C12orf42: variants seen among roughly 807,000 people sequenced by gnomAD.
C12orf42 encodes chromosome 12 open reading frame 42, also known as uncharacterized protein C12orf42.
Under a neutral mutation model 21.6 loss-of-function variants are expected in C12orf42, and 25 were observed. That is an observed-to-expected ratio of 1.16 (90% CI 0.84 to 1.62). The LOEUF (loss-of-function observed/expected upper bound fraction) is 1.62. Among genes scored for constraint, C12orf42 ranks in the 40% most tolerant of loss-of-function variants. The probability of loss-of-function intolerance (pLI) is 0.00; values close to 1 mark genes in which losing one functional copy is unlikely to be tolerated. For synonymous variants in C12orf42, 174 were observed against 175.0 expected, an observed-to-expected ratio of 0.99 and a Z score of 0.05; for missense variants, 483 against 459.3, an observed-to-expected ratio of 1.05 and a Z score of -0.47.
At chr12:103,517,996 A>G in the C12orf42 span, among the ~76,000 whole-genome samples, 1 of 152,200 alleles carries the variant, frequency 6.6e-6, no homozygotes, top group African/African-American at 2.4e-5. Flanking sequence ...AGAAAGTGAA[A>G]AAATATGAGC....
chr12:103,096,392 C>T, the C12orf42 span, among the ~76,000 whole-genome samples: 48 of 152,026 alleles, frequency 3.2e-4, no homozygotes, highest in African/African-American at 9.7e-4. Context: ...TTAAGTTGTT[C>T]GGACCCAAGT....
At position 103,429,654 on chromosome 12, in the gene C12orf42, A is replaced by G. The variant is rs1950117345; in HGVS notation, c.79-27979T>C. Among the ~76,000 whole-genome samples the G allele has an allele frequency of 2.0e-5, 3 of 152,242 alleles. No individual in the cohort carries two copies. In the South Asian group the frequency reaches 6.2e-4, roughly 31 times the overall value. ...TATATGGAACCAAAAAAGAGTCCATATAGCTAAGACAATCCTAAGCAAAAA... is the reference window on the plus strand; with the variant it reads ...TATATGGAACCAAAAAAGAGTCCATGTAGCTAAGACAATCCTAAGCAAAAA... On this transcript the variant is annotated intron_variant, in intron 2 of 5. Coordinates refer to ENST00000548883, the MANE Select transcript of C12orf42 (RefSeq NM_198521.5).
downstream of C12orf42, chr12:103,267,837 G>A (rs1392275562): frequency 2.0e-5 from 3 of 152,076 alleles, no homozygotes; most frequent in African/African-American, 7.2e-5. Flanking sequence ...GGGAACAAAT[G>A]TGACTTCAAA....
At chr12:103,308,121 A>G (rs2038556149) in intron 4 of C12orf42, among the ~76,000 whole-genome samples, 1 of 152,190 alleles carries the variant, frequency 6.6e-6, no homozygotes, top group South Asian at 2.1e-4. Context: ...GAATAATCAT[A>G]TCTACCTCTA....
intron 4 of C12orf42, among the ~76,000 whole-genome samples, chr12:103,295,589 T>C (rs2037212789): frequency 1.3e-5 from 2 of 152,168 alleles, no homozygotes; most frequent in Admixed American, 6.5e-5. Context: ...AGGTAAAGGA[T>C]ATAGTGTATA....
chr12:103,054,210 A>G, the C12orf42 span, among the ~76,000 whole-genome samples: 1 of 151,982 alleles, frequency 6.6e-6, no homozygotes, highest in Non-Finnish European at 1.5e-5. Context: ...AAGTCTTTCA[A>G]TCCATGATCA....
chr12:103,077,376 CA>C, the C12orf42 span, among the ~76,000 whole-genome samples: 1 of 152,214 alleles, frequency 6.6e-6, no homozygotes, highest in South Asian at 2.1e-4. Context: ...TAGTAGTAAG[CA>C]AAAACACATT....
At chr12:103,519,672 G>A in the C12orf42 span, among the ~76,000 whole-genome samples, 1 of 152,078 alleles carries the variant, frequency 6.6e-6, no homozygotes, top group South Asian at 2.1e-4. Flanking sequence ...TGCTTTAATG[G>A]AGAAAGAGGC....
At chr12:103,535,229 G>T in the C12orf42 span, among the ~76,000 whole-genome samples, 1 of 152,144 alleles carries the variant, frequency 6.6e-6, no homozygotes, top group Non-Finnish European at 1.5e-5. Flanking sequence ...GGGAAGAAAA[G>T]TTGCCTCAGA....
chr12:103,204,705 G>T, the C12orf42 span, among the ~76,000 whole-genome samples: 1 of 152,020 alleles, frequency 6.6e-6, no homozygotes, highest in Admixed American at 6.5e-5. Context: ...ATATTTCAAG[G>T]TATATGAATC....
At chr12:103,513,332 A>G in the C12orf42 span, among the ~76,000 whole-genome samples, 1 of 152,198 alleles carries the variant, frequency 6.6e-6, no homozygotes, top group Non-Finnish European at 1.5e-5. Context: ...AAGAGAATGG[A>G]ACCACAGGAA....
the C12orf42 span, among the ~76,000 whole-genome samples, chr12:103,108,348 A>G: frequency 6.6e-6 from 1 of 151,960 alleles, no homozygotes; most frequent in Non-Finnish European, 1.5e-5. Flanking sequence ...AAAGTAGACA[A>G]ATCAGTATTA....
chr12:103,107,197 G>A, the C12orf42 span, among the ~76,000 whole-genome samples: 15 of 152,036 alleles, frequency 9.9e-5, no homozygotes, highest in Middle Eastern at 3.4e-3. Flanking sequence ...TGAGAAATTA[G>A]TAAGCCAGCT....
chr12:103,478,512 A>C, intron 1 of C12orf42, 65 bp from the exon 2 acceptor site: 2 of 709,234 alleles, frequency 2.8e-6, no homozygotes, highest in Non-Finnish European at 4.4e-6. Flanking sequence ...ATTAGAGAAA[A>C]AAATGACATC....
the C12orf42 span, among the ~76,000 whole-genome samples, chr12:103,161,981 G>T: frequency 1.3e-5 from 2 of 152,140 alleles, no homozygotes; most frequent in Non-Finnish European, 2.9e-5. Context: ...AATAGAATCT[G>T]TTCCCACAGG....
chr12:103,551,940 A>C, the C12orf42 span, among the ~76,000 whole-genome samples: 1 of 152,210 alleles, frequency 6.6e-6, no homozygotes, highest in Non-Finnish European at 1.5e-5. Context: ...TGATTCCTTC[A>C]AGTGAGATTT....
chr12:103,360,576 G>A (rs139067210), intron 4 of C12orf42, among the ~76,000 whole-genome samples: 260 of 152,000 alleles, frequency 1.7e-3, no homozygotes, highest in African/African-American at 6.0e-3. Flanking sequence ...CAAGATCCTA[G>A]TATACCAAAT....
chr12:103,297,291 C>T (rs1446289753), downstream of C12orf42, among the ~76,000 whole-genome samples: 1 of 152,100 alleles, frequency 6.6e-6, no homozygotes, highest in Non-Finnish European at 1.5e-5. Flanking sequence ...AGTCAGGTAG[C>T]ATGATGCCTT....
At chr12:103,114,716 C>A in the C12orf42 span, among the ~76,000 whole-genome samples, 1 of 152,178 alleles carries the variant, frequency 6.6e-6, no homozygotes, top group Non-Finnish European at 1.5e-5. Context: ...TATTATTAAT[C>A]CATGACAAAT....
Sources: allele counts gnomAD v4.1 joint callset (sites outside exome capture counted in the v4.1 genomes callset), GRCh38; gene constraint gnomAD v4.1.1; transcripts MANE v1.5; gene names NCBI Gene and HGNC (gene_info 2026-07-23, HGNC 2026-07-21).